Variants in KCNIP4 observed in about 807,000 individuals in gnomAD.
KCNIP4 encodes Kv channel-interacting protein 4.
KCNIP4 carries 12 observed loss-of-function variants against 34.0 expected under a neutral mutation model. The ratio of observed to expected loss-of-function variants is 0.35; its 90% CI spans 0.23 to 0.57. The LOEUF is 0.57. Among genes scored for constraint, KCNIP4 ranks in the 20% least tolerant of loss-of-function variants. The probability of loss-of-function intolerance (pLI) is 0.83; values close to 1 mark genes in which losing one functional copy is unlikely to be tolerated. For synonymous variants in KCNIP4, 124 were observed against 102.2 expected (o/e 1.21, Z -1.29); for missense variants, 238 against 311.7 (o/e 0.76, Z 1.78).
intron 1 of KCNIP4, among the ~76,000 whole-genome samples, chr4:21,460,365 C>T (rs1729349311): frequency 6.6e-6 from 1 of 152,078 alleles, no homozygotes; most frequent in Non-Finnish European, 1.5e-5. Flanking sequence ...TCTTGCTCCA[C>T]ATTTGCTTGT....
chr4:21,870,795 C>T (rs1354658376), intron 1 of KCNIP4, among the ~76,000 whole-genome samples: 1 of 152,164 alleles, frequency 6.6e-6, no homozygotes, highest in Non-Finnish European at 1.5e-5. Context: ...ATCTTGGGAA[C>T]CTTTCTGAAA....
At chr4:21,600,829 C>T (rs905410771) in intron 1 of KCNIP4, among the ~76,000 whole-genome samples, 2 of 151,968 alleles carry the variant, frequency 1.3e-5, no homozygotes, top group African/African-American at 4.8e-5. Flanking sequence ...GAGCTCCTTG[C>T]TACATCTATA....
intron 1 of KCNIP4, among the ~76,000 whole-genome samples, chr4:21,437,605 T>C (rs1031692882): frequency 2.0e-5 from 3 of 152,172 alleles, no homozygotes; most frequent in African/African-American, 4.8e-5. Context: ...TTTACCGAAC[T>C]TCTTTGTGTT....
intron 1 of KCNIP4, among the ~76,000 whole-genome samples, chr4:21,894,083 G>C (rs1727250339): frequency 6.6e-6 from 1 of 151,918 alleles, no homozygotes; most frequent in African/African-American, 2.4e-5. Context: ...TGTAATCTTA[G>C]TCCTTTGGGA....
At chr4:21,332,032 G>A (rs1392486434) in intron 1 of KCNIP4, among the ~76,000 whole-genome samples, 2 of 152,002 alleles carry the variant, frequency 1.3e-5, no homozygotes, top group Non-Finnish European at 2.9e-5. Flanking sequence ...TCAACATCCA[G>A]CAGTTTAATA....
At chr4:21,798,512 GAAAAAAAAAA>G (rs3052679) in intron 1 of KCNIP4, among the ~76,000 whole-genome samples, 2 of 102,534 alleles carry the variant, frequency 2.0e-5, no homozygotes, top group Non-Finnish European at 4.1e-5. Context: ...AAGACCCTGG[GAAAAAAAAAA>G]AAAAAAAAAA....
chr4:21,535,490 G>A (rs1015016445), intron 1 of KCNIP4, among the ~76,000 whole-genome samples: 4 of 151,856 alleles, frequency 2.6e-5, no homozygotes, highest in Non-Finnish European at 5.9e-5. Context: ...TTTATGAATC[G>A]CATGTTTCTA....
chr4:21,142,043 C>T lies in KCNIP4; in HGVS notation c.62-259334G>A, dbSNP rs576651519. On this transcript the variant is annotated intron_variant, in intron 1 of 8. Coordinates refer to ENST00000382152, the MANE Select transcript of KCNIP4 (RefSeq NM_025221.6). Reference sequence around the variant, plus strand: ...GTGTGCGCCTGTAATCCCAGCTACTCGGGAGGCTGAGGCAGGAGAATCGTG... The same window carrying T: ...GTGTGCGCCTGTAATCCCAGCTACTTGGGAGGCTGAGGCAGGAGAATCGTG... Among the ~76,000 whole-genome samples, 65 of 149,562 alleles carry T rather than the reference C, an allele frequency of 4.3e-4. No individual in the cohort carries two copies. The South Asian group carries it at 0.011, about 24-fold the overall frequency.
At position 20,808,912 on chromosome 4, in the gene KCNIP4, T is replaced by C. The variant is rs1184171075; in HGVS notation, c.288+41631A>G. Among the ~76,000 whole-genome samples, 4 of 152,348 alleles carry C rather than the reference T, an allele frequency of 2.6e-5. No individual in the cohort carries two copies. In the East Asian group the frequency reaches 7.7e-4, roughly 29 times the overall value. ...CTTAGATATTTAAATCAGCTCTCAG[T>C]AACTTATCTACCATAACCGTTTACT... On this transcript the variant is annotated intron_variant, in intron 3 of 8. Coordinates refer to ENST00000382152, the MANE Select transcript of KCNIP4 (RefSeq NM_025221.6).
At chr4:21,233,946 C>T (rs183174048) in intron 1 of KCNIP4, among the ~76,000 whole-genome samples, 26,585 of 125,662 alleles carry the variant, frequency 0.21, 4,750 homozygotes, top group African/African-American at 0.5. Flanking sequence ...ATAAATATTA[C>T]ATATAACATA....
intron 3 of KCNIP4, among the ~76,000 whole-genome samples, chr4:20,806,915 T>C (rs1378156693): frequency 1.3e-5 from 2 of 152,110 alleles, no homozygotes; most frequent in Admixed American, 6.5e-5. Flanking sequence ...ATAAACAAAA[T>C]GACAGAGCCA....
chr4:21,842,389 T>G (rs1170971647), intron 1 of KCNIP4, among the ~76,000 whole-genome samples: 1 of 152,090 alleles, frequency 6.6e-6, no homozygotes, highest in Admixed American at 6.6e-5. Context: ...ATTGGCACAT[T>G]TTTTCACCTA....
chr4:21,528,675 CAAA>C lies in KCNIP4; in HGVS notation c.61+419893_61+419895del, dbSNP rs1560488908. On this transcript the variant is annotated intron_variant, in intron 1 of 8. Coordinates refer to ENST00000382152, the MANE Select transcript of KCNIP4 (RefSeq NM_025221.6). ...GAGGGAGACTCTGTCTCATAAAAAA[CAAA>C]GAAAGAAAGAAAGAAAGAAAGAAAG... Among the ~76,000 whole-genome samples, 485 of 84,188 alleles carry C rather than the reference CAAA, an allele frequency of 5.8e-3. 16 individuals are homozygous for C. Among genetic ancestry groups the C allele is most frequent in the African/African-American group, 0.023 (463 of 19,994 alleles). 55.2% of individuals were successfully genotyped at this position (84,188 alleles called of 152,430 possible).
intron 1 of KCNIP4, among the ~76,000 whole-genome samples, chr4:20,994,235 A>G (rs1384321076): frequency 6.6e-6 from 1 of 152,106 alleles, no homozygotes; most frequent in Non-Finnish European, 1.5e-5. Context: ...TGCCTACTAT[A>G]TAGATGTAAT....
chr4:20,957,541 G>T, intron 1 of KCNIP4, among the ~76,000 whole-genome samples: 1 of 152,046 alleles, frequency 6.6e-6, no homozygotes, highest in South Asian at 2.1e-4. Flanking sequence ...TTCCAGGTTT[G>T]CTTGGCTTCA....
At chr4:21,356,990 C>G (rs1025372258) in intron 1 of KCNIP4, among the ~76,000 whole-genome samples, 2 of 152,018 alleles carry the variant, frequency 1.3e-5, no homozygotes, top group East Asian at 1.9e-4. Flanking sequence ...TGGAACAGAA[C>G]AGAGCCCACA....
At chr4:20,931,176 TACACAC>T (rs113547133) in intron 1 of KCNIP4, among the ~76,000 whole-genome samples, 2 of 149,120 alleles carry the variant, frequency 1.3e-5, no homozygotes, top group Admixed American at 6.7e-5. Flanking sequence ...GACAATGTGG[TACACAC>T]ACACACACAC....
At position 21,400,509 on chromosome 4, in the gene KCNIP4, C is replaced by CT. The variant is rs1560369089; in HGVS notation, c.62-517801dup. Reference sequence around the variant, plus strand: ...TCTCCTCTCCCCTCCCTTCCCCTCCCTTCCTCTTCTCTTCTCTTCTCTTCT... The same window carrying CT: ...TCTCCTCTCCCCTCCCTTCCCCTCCCTTTCCTCTTCTCTTCTCTTCTCTTCT... On this transcript the variant is annotated intron_variant, in intron 1 of 8. Coordinates refer to ENST00000382152, the MANE Select transcript of KCNIP4 (RefSeq NM_025221.6). 1.2e-3 allele frequency among the ~76,000 whole-genome samples: 122 copies of CT among 104,496 alleles called. 4 individuals are homozygous for CT. Among genetic ancestry groups the CT allele is most frequent in the African/African-American group, 6.9e-3 (119 of 17,290 alleles). The allele number at this position is 104,496 out of a possible 152,430, so 68.6% of individuals were successfully genotyped here. A position where few individuals can be genotyped will look rare whatever the true frequency, so the allele number is the denominator to read the frequency against.
intron 1 of KCNIP4, among the ~76,000 whole-genome samples, chr4:21,389,400 C>A (rs2109507264): frequency 6.6e-6 from 1 of 151,286 alleles, no homozygotes; most frequent in Non-Finnish European, 1.5e-5. Flanking sequence ...TGTGCTGCAC[C>A]CATTAACTTG....
Sources: allele counts gnomAD v4.1 joint callset (sites outside exome capture counted in the v4.1 genomes callset), GRCh38; gene constraint gnomAD v4.1.1; transcripts MANE v1.5; gene names NCBI Gene and HGNC (gene_info 2026-07-23, HGNC 2026-07-21).